ANAPC7: variants seen among roughly 807,000 people sequenced by gnomAD.
ANAPC7 encodes anaphase-promoting complex subunit 7.
In ANAPC7, 25 loss-of-function variants were observed where a neutral mutation model predicts 63.3. That is an observed-to-expected ratio of 0.39 (90% CI 0.29 to 0.55). The LOEUF (loss-of-function observed/expected upper bound fraction) is 0.55. Among genes scored for constraint, ANAPC7 ranks in the 20% least tolerant of loss-of-function variants. ANAPC7 has a pLI of 0.57. For missense variants in ANAPC7, 516 were observed against 691.7 expected (o/e 0.75, Z 2.85); for synonymous variants, 241 against 251.7 (o/e 0.96, Z 0.40).
chr12:110,375,952 C>T, intron 10 of ANAPC7, 114 bp downstream of exon 10: 2 of 1,367,788 alleles, frequency 1.5e-6, no homozygotes, highest in Non-Finnish European at 1.9e-6. Context: ...TATTATTATT[C>T]TGCTTTCAAC....
chr12:110,390,828 T>C (rs1434263237), intron 3 of ANAPC7, among the ~76,000 whole-genome samples: 5 of 152,196 alleles, frequency 3.3e-5, no homozygotes, highest in Non-Finnish European at 7.3e-5. Flanking sequence ...TCTCAACAAA[T>C]ATCAAAATTT....
intron 3 of ANAPC7, among the ~76,000 whole-genome samples, chr12:110,390,030 C>T (rs751413690): frequency 1.3e-5 from 2 of 152,100 alleles, no homozygotes; most frequent in Non-Finnish European, 2.9e-5. Context: ...AAAAGACCTT[C>T]CTAATAGTAC....
intron 3 of ANAPC7, among the ~76,000 whole-genome samples, chr12:110,393,932 G>C (rs918227182): frequency 4.6e-5 from 7 of 150,792 alleles, no homozygotes; most frequent in African/African-American, 1.5e-4. Context: ...TAGCACTTTG[G>C]GAGGCCGTGG....
rs1880970374 is a variant in ANAPC7 at position 110,373,085 on chromosome 12, G to C, written c.*1059C>G. 6.6e-6 allele frequency: 1 copy of C among 151,896 alleles called. No individual in the cohort carries two copies. The highest frequency in any genetic ancestry group is 2.4e-5 in the African/African-American group (1 of 41,334). 9.4% of individuals were successfully genotyped at this position (151,896 alleles called of 1,614,324 possible). On this transcript the variant is annotated 3_prime_UTR_variant, in exon 11 of 11. Coordinates refer to ENST00000455511, the MANE Select transcript of ANAPC7 (RefSeq NM_016238.3). Reference sequence around the variant, plus strand: ...ACCCACCCCTCACCTCCGATTAATTGTATACTCAGAGCCATCGCAACTTAA... The same window carrying C: ...ACCCACCCCTCACCTCCGATTAATTCTATACTCAGAGCCATCGCAACTTAA...
intron 1 of ANAPC7, among the ~76,000 whole-genome samples, chr12:110,399,908 A>G (rs1299913663): frequency 6.6e-6 from 1 of 152,146 alleles, no homozygotes; most frequent in Admixed American, 6.6e-5. Context: ...AGCCTGGCCA[A>G]CATGTTGAAA....
At chr12:110,388,416 T>TA (rs1380143781) in intron 4 of ANAPC7, 96 bp downstream of exon 4, 31 of 918,932 alleles carry the variant, frequency 3.4e-5, no homozygotes, top group African/African-American at 1.2e-4. Context: ...GGGGAACTTT[T>TA]AAAAAAAATA....
intron 3 of ANAPC7, among the ~76,000 whole-genome samples, chr12:110,390,524 CTAAAGA>C (rs1429262702): frequency 2.0e-5 from 3 of 152,076 alleles, no homozygotes; most frequent in South Asian, 2.1e-4. Context: ...AAGAGTGGCT[CTAAAGA>C]TAAAGAACAT....
intron 3 of ANAPC7, among the ~76,000 whole-genome samples, chr12:110,389,875 T>C (rs533372227): frequency 1.3e-3 from 201 of 151,162 alleles, no homozygotes; most frequent in African/African-American, 4.7e-3. Flanking sequence ...GAGCTTGCAG[T>C]GAGCCGAGAT....
chr12:110,379,491 T>C (rs1487281168), intron 8 of ANAPC7, among the ~76,000 whole-genome samples: 2 of 152,218 alleles, frequency 1.3e-5, no homozygotes, highest in East Asian at 1.9e-4. Flanking sequence ...GAAATAGGCA[T>C]GCAGTATAAT....
chr12:110,388,704 C>T (rs536098722), intron 3 of ANAPC7, 81 bp from the exon 4 acceptor site: 221 of 1,033,696 alleles, frequency 2.1e-4, no homozygotes, highest in Non-Finnish European at 3.1e-4. Flanking sequence ...TCCTAATTTT[C>T]ATTACCAGTT....
At chr12:110,391,567 TAGCTGTAAG>T (rs1213960299) in intron 3 of ANAPC7, among the ~76,000 whole-genome samples, 2 of 152,162 alleles carry the variant, frequency 1.3e-5, no homozygotes, top group Non-Finnish European at 2.9e-5. Context: ...TCTTTGCTCC[TAGCTGTAAG>T]AGCACTACAG....
intron 8 of ANAPC7, 190 bp from the exon 9 acceptor site, chr12:110,377,807 C>T (rs868119731): frequency 4.9e-6 from 7 of 1,431,682 alleles, no homozygotes; most frequent in Middle Eastern, 1.9e-4. Flanking sequence ...CCCCAGAGAA[C>T]TTGATGGATG....
At chr12:110,389,302 C>T (rs973531039) in intron 3 of ANAPC7, among the ~76,000 whole-genome samples, 1 of 152,096 alleles carries the variant, frequency 6.6e-6, no homozygotes, top group African/African-American at 2.4e-5. Flanking sequence ...AGAAGATGAA[C>T]TATCTCACAT....
At chr12:110,396,717 G>A (rs1266100663) in intron 1 of ANAPC7, among the ~76,000 whole-genome samples, 1 of 150,832 alleles carries the variant, frequency 6.6e-6, no homozygotes, top group Non-Finnish European at 1.5e-5. Context: ...GTTTCGCCAT[G>A]TTAGCCAGGC....
intron 2 of ANAPC7, among the ~76,000 whole-genome samples, chr12:110,395,531 C>T (rs1258068191): frequency 1.3e-5 from 2 of 152,036 alleles, no homozygotes; most frequent in East Asian, 3.9e-4. Flanking sequence ...GACCTCAAGT[C>T]CTCCTACCTC....
intron 8 of ANAPC7, among the ~76,000 whole-genome samples, chr12:110,381,423 G>A (rs755099459): frequency 6.6e-6 from 1 of 152,040 alleles, no homozygotes; most frequent in Admixed American, 6.6e-5. Flanking sequence ...TGCAACCTCC[G>A]CCTCCCAGGT....
chr12:110,387,636 C>T, intron 5 of ANAPC7, 103 bp downstream of exon 5: 31 of 1,383,030 alleles, frequency 2.2e-5, no homozygotes, highest in Non-Finnish European at 3.1e-5. Context: ...GCTGCAGCAC[C>T]AACAGCAAAG....
intron 1 of ANAPC7, among the ~76,000 whole-genome samples, chr12:110,400,955 TG>T (rs947924650): frequency 4.0e-5 from 6 of 149,246 alleles, no homozygotes; most frequent in African/African-American, 7.4e-5. Flanking sequence ...GAGGCTGAGG[TG>T]GGAGGATCGA....
chr12:110,399,298 G>A (rs1346603025), intron 1 of ANAPC7, among the ~76,000 whole-genome samples: 1 of 151,906 alleles, frequency 6.6e-6, no homozygotes, highest in Non-Finnish European at 1.5e-5. Flanking sequence ...GGGATTACAG[G>A]CGTGAGCCAC....
Sources: gnomAD v4.1 joint callset for allele counts (sites outside exome capture counted in the v4.1 genomes callset) on GRCh38, gnomAD v4.1.1 for gene constraint, MANE v1.5 for transcripts, NCBI Gene and HGNC (gene_info 2026-07-23, HGNC 2026-07-21) for gene names.